The following RHOU variants were observed in gnomAD, a reference collection of about 807,000 sequenced individuals.
RHOU encodes rho-related GTP-binding protein RhoU.
In RHOU, 8 loss-of-function variants were observed where a neutral mutation model predicts 12.6. The ratio of observed to expected loss-of-function variants is 0.64; its 90% CI spans 0.37 to 1.15. RHOU has a LOEUF of 1.15. Ranked by LOEUF, RHOU falls within the 50% of genes most tolerant of loss-of-function variation. The pLI is 0.01. For missense variants in RHOU, 258 were observed against 347.0 expected (o/e 0.74, Z 2.04); for synonymous variants, 161 against 147.4 (o/e 1.09, Z -0.67).
At chr1:228,690,075 C>G in the RHOU span, among the ~76,000 whole-genome samples, 1 of 152,142 alleles carries the variant, frequency 6.6e-6, no homozygotes, top group Admixed American at 6.5e-5. Context: ...AAACAATACA[C>G]TTAAGACATT....
At chr1:228,680,409 C>T in the RHOU span, among the ~76,000 whole-genome samples, 1 of 152,138 alleles carries the variant, frequency 6.6e-6, no homozygotes, top group Non-Finnish European at 1.5e-5. Context: ...GAAACAAGGT[C>T]CACGAGGATG....
At chr1:228,735,321 C>A (rs1328493441), upstream of RHOU, 1 of 152,320 alleles carries the variant, frequency 6.6e-6, no homozygotes, top group Non-Finnish European at 1.5e-5. This position sits in a 1 kb window ranked among gnomAD's most constrained non-coding sequence, Gnocchi z 8.1. Context: ...GGCGGCGCCT[C>A]GGGCGCGGGT....
At chr1:228,679,966 A>G in the RHOU span, among the ~76,000 whole-genome samples, 1 of 152,144 alleles carries the variant, frequency 6.6e-6, no homozygotes, top group Non-Finnish European at 1.5e-5. Context: ...AGGTGAGGAT[A>G]ACTAAAAAGG....
chr1:228,735,383 G>A (rs1204904732), upstream of RHOU: 2 of 157,860 alleles, frequency 1.3e-5, no homozygotes, highest in African/African-American at 4.8e-5. The surrounding 1 kb of genome is among the most constrained non-coding windows in gnomAD (Gnocchi z 8.1). Flanking sequence ...CGCGGGGACC[G>A]AGCCGCTCGG....
the RHOU span, among the ~76,000 whole-genome samples, chr1:228,720,173 A>G: frequency 6.6e-6 from 1 of 152,126 alleles, no homozygotes; most frequent in Non-Finnish European, 1.5e-5. Flanking sequence ...ACAGAAAATT[A>G]AAAGAAAAAA....
chr1:228,705,381 T>C, the RHOU span, among the ~76,000 whole-genome samples: 3 of 152,184 alleles, frequency 2.0e-5, no homozygotes, highest in Admixed American at 2.0e-4. Context: ...TTCCGACACA[T>C]GTAAGTGTAG....
chr1:228,727,709 T>A, the RHOU span, among the ~76,000 whole-genome samples: 1 of 152,268 alleles, frequency 6.6e-6, no homozygotes, highest in African/African-American at 2.4e-5. Context: ...TTGGAAGAGC[T>A]AGAAAAGGGA....
chr1:228,742,563 G>A (rs1662746450), intron 2 of RHOU, among the ~76,000 whole-genome samples: 2 of 152,172 alleles, frequency 1.3e-5, no homozygotes, highest in Non-Finnish European at 2.9e-5. Context: ...GAAGGAAGGA[G>A]GGAGGAAGAG....
chr1:228,660,145 C>T, the RHOU span, among the ~76,000 whole-genome samples: 52 of 151,218 alleles, frequency 3.4e-4, no homozygotes, highest in African/African-American at 1.3e-3. Context: ...CAGATGAGAC[C>T]CTGTCTCAAA....
At chr1:228,692,646 C>T in the RHOU span, among the ~76,000 whole-genome samples, 20 of 152,074 alleles carry the variant, frequency 1.3e-4, no homozygotes, top group African/African-American at 4.6e-4. Flanking sequence ...CTATGTTACC[C>T]AGCCTGGTCT....
the RHOU span, among the ~76,000 whole-genome samples, chr1:228,721,765 A>G: frequency 5.3e-5 from 8 of 152,078 alleles, no homozygotes; most frequent in Non-Finnish European, 1.0e-4. Context: ...GGTTCAAGAG[A>G]TTCTCCTCCC....
chr1:228,713,327 C>T, the RHOU span, among the ~76,000 whole-genome samples: 1 of 152,084 alleles, frequency 6.6e-6, no homozygotes, highest in African/African-American at 2.4e-5. Flanking sequence ...AATAAAGCCT[C>T]CATAAAACTC....
the RHOU span, among the ~76,000 whole-genome samples, chr1:228,653,863 C>G: frequency 1.3e-5 from 2 of 152,192 alleles, no homozygotes; most frequent in African/African-American, 4.8e-5. Context: ...TTCTGCAAAA[C>G]ATTTTGTCTT....
chr1:228,658,901 C>CTTTT, the RHOU span, among the ~76,000 whole-genome samples: 3 of 152,170 alleles, frequency 2.0e-5, no homozygotes, highest in African/African-American at 7.2e-5. Flanking sequence ...AGAGGACCAA[C>CTTTT]TGTATTTATT....
the RHOU span, among the ~76,000 whole-genome samples, chr1:228,710,530 C>A: frequency 1.3e-5 from 2 of 152,134 alleles, no homozygotes; most frequent in African/African-American, 4.8e-5. Flanking sequence ...AAATGTAATC[C>A]AGCATATAAA....
chr1:228,712,204 T>C, the RHOU span, among the ~76,000 whole-genome samples: 1 of 151,838 alleles, frequency 6.6e-6, no homozygotes, highest in African/African-American at 2.4e-5. Flanking sequence ...ACTTTTACAC[T>C]GTTGGTGGGA....
At chr1:228,650,288 G>A in the RHOU span, 9 of 464,742 alleles carry the variant, frequency 1.9e-5, no homozygotes, top group South Asian at 1.2e-4. Flanking sequence ...AAGATGCTCC[G>A]CAAGGAGGCA....
chr1:228,666,772 T>G, the RHOU span, among the ~76,000 whole-genome samples: 2 of 152,168 alleles, frequency 1.3e-5, no homozygotes, highest in African/African-American at 4.8e-5. Flanking sequence ...GAGCAAAATT[T>G]ATTGTGCTTT....
At chr1:228,707,706 G>A in the RHOU span, among the ~76,000 whole-genome samples, 5 of 152,266 alleles carry the variant, frequency 3.3e-5, no homozygotes, top group East Asian at 9.6e-4. Flanking sequence ...CAAAGATGGA[G>A]AAAAACCAGA....
Sources: allele counts gnomAD v4.1 joint callset (sites outside exome capture counted in the v4.1 genomes callset), GRCh38; gene constraint gnomAD v4.1.1; non-coding constraint Gnocchi (gnomAD v3.1); transcripts MANE v1.5; gene names NCBI Gene and HGNC (gene_info 2026-07-23, HGNC 2026-07-21).